S100Z: variants seen among roughly 807,000 people sequenced by gnomAD.
S100Z encodes protein S100-Z.
A neutral mutation model predicts 8.5 loss-of-function variants in S100Z; 11 were observed. The observed-to-expected ratio is 1.30, with a 90% confidence interval of 0.82 to 2.15. The LOEUF (loss-of-function observed/expected upper bound fraction) is 2.15, where lower values mean the gene tolerates loss of function less well. S100Z is among the 30% of genes most tolerant of loss of function. The probability of loss-of-function intolerance (pLI) is 0.00; values close to 1 mark genes in which losing one functional copy is unlikely to be tolerated. For missense variants in S100Z, 126 were observed against 117.9 expected (o/e 1.07, Z -0.32); for synonymous variants, 34 against 43.8 (o/e 0.78, Z 0.89).
At chr5:76,952,801 T>G in the S100Z span, 2 of 309,602 alleles carry the variant, frequency 6.5e-6, no homozygotes, top group African/African-American at 4.1e-5. Flanking sequence ...CACTCCCTTA[T>G]TCTTTGTCTC....
At chr5:76,941,732 A>T in the S100Z span, among the ~76,000 whole-genome samples, 534 of 150,320 alleles carry the variant, frequency 3.6e-3, 3 homozygotes, top group African/African-American at 0.012. Flanking sequence ...CCCCCTTCTC[A>T]TGCTATCCTC....
At chr5:76,909,672 T>A (rs1339841870) in intron 4 of S100Z, among the ~76,000 whole-genome samples, 1 of 152,168 alleles carries the variant, frequency 6.6e-6, no homozygotes, top group East Asian at 1.9e-4. Flanking sequence ...ACCCCTGGGC[T>A]ATCAGTTATG....
chr5:76,952,917 T>C, the S100Z span: 3 of 560,150 alleles, frequency 5.4e-6, no homozygotes, highest in African/African-American at 3.8e-5. Flanking sequence ...AGCTGGACCC[T>C]CGTCATCGCC....
Position 76,912,562 on chromosome 5 carries a change from G to GA in S100Z, c.*3-8146dup, listed in dbSNP as rs199985600. Among the ~76,000 whole-genome samples the GA allele has an allele frequency of 1.2e-3, 175 of 151,060 alleles. 2 individuals carry two copies. The East Asian group carries it at 0.026, about 23-fold the overall frequency. Reference sequence around the variant, plus strand: ...CCTGAGCCTTAGAACTGGGAAAGAGGAAAAAAAAATAAATGTGTATACGGA... The same window carrying GA: ...CCTGAGCCTTAGAACTGGGAAAGAGGAAAAAAAAAATAAATGTGTATACGGA... On this transcript the variant is annotated intron_variant, in intron 4 of 4. Transcript: ENST00000317593.
chr5:76,853,735 T>G (rs181934709), intron 1 of S100Z, among the ~76,000 whole-genome samples: 12 of 151,694 alleles, frequency 7.9e-5, no homozygotes, highest in Non-Finnish European at 1.2e-4. Context: ...AGGCAGAGAT[T>G]GCAGTCAGCT....
At chr5:76,889,511 T>C (rs1276542809) in intron 4 of S100Z, among the ~76,000 whole-genome samples, 1 of 152,328 alleles carries the variant, frequency 6.6e-6, no homozygotes, top group Admixed American at 6.5e-5. Context: ...CTAAAGTGAG[T>C]CACTAAAACA....
chr5:76,925,556 C>T (rs537776292), downstream of S100Z, among the ~76,000 whole-genome samples: 30 of 152,296 alleles, frequency 2.0e-4, no homozygotes, highest in East Asian at 5.8e-3. Context: ...TCTCAATTCC[C>T]ACAAGCACTT....
At chr5:76,930,627 C>T in the S100Z span, among the ~76,000 whole-genome samples, 22,583 of 152,052 alleles carry the variant, frequency 0.15, 1,786 homozygotes, top group East Asian at 0.18. Flanking sequence ...TGCAATCACT[C>T]GACTCTGAAA....
intron 1 of S100Z, among the ~76,000 whole-genome samples, chr5:76,865,202 T>G (rs1317362062): frequency 6.6e-6 from 1 of 151,120 alleles, no homozygotes; most frequent in Non-Finnish European, 1.5e-5. Flanking sequence ...TCTGACCCTG[T>G]GTAGGCCTAG....
chr5:76,920,740 G>A lies in S100Z; in HGVS notation c.*26G>A, dbSNP rs1745011080. 2 of 152,234 alleles carry A rather than the reference G, an allele frequency of 1.3e-5. No homozygotes were observed. The highest frequency in any genetic ancestry group is 4.1e-4 in the South Asian group (2 of 4,834). The allele number at this position is 152,234 out of a possible 1,614,324, so 9.4% of individuals were successfully genotyped here. A position where few individuals can be genotyped will look rare whatever the true frequency, so the allele number is the denominator to read the frequency against. ...AGGAAGTTCGTGAATGCTAATCAAG[G>A]GCTAAATAAAGTGGAAAGCAGCATC... On this transcript the variant is annotated 3_prime_UTR_variant, in exon 5 of 5. Transcript: ENST00000317593.
At chr5:76,899,070 A>G (rs926533654) in intron 4 of S100Z, among the ~76,000 whole-genome samples, 2 of 150,174 alleles carry the variant, frequency 1.3e-5, no homozygotes, top group African/African-American at 4.9e-5. Context: ...CAGCTTCCCT[A>G]GTAGCTGGGA....
chr5:76,902,649 T>C (rs1259116713), intron 4 of S100Z, among the ~76,000 whole-genome samples: 1 of 149,504 alleles, frequency 6.7e-6, no homozygotes, highest in Non-Finnish European at 1.5e-5. Context: ...TTTTTTTTTG[T>C]TGTTGTTTGT....
At chr5:76,895,052 TTC>T (rs1394467502) in intron 4 of S100Z, among the ~76,000 whole-genome samples, 1 of 152,180 alleles carries the variant, frequency 6.6e-6, no homozygotes, top group African/African-American at 2.4e-5. Flanking sequence ...TAGTGTCTTT[TTC>T]TCTGAGACCA....
At chr5:76,885,681 G>A (rs1357313555) in intron 4 of S100Z, among the ~76,000 whole-genome samples, 1 of 135,932 alleles carries the variant, frequency 7.4e-6, no homozygotes, top group African/African-American at 2.7e-5. Context: ...CCAGGAAAGT[G>A]GGAATGGGGT....
At chr5:76,930,519 A>C in the S100Z span, among the ~76,000 whole-genome samples, 1 of 152,162 alleles carries the variant, frequency 6.6e-6, no homozygotes, top group African/African-American at 2.4e-5. Context: ...AGGACCACAA[A>C]GCCTAAGGTT....
chr5:76,922,480 G>T (rs906697345), downstream of S100Z, among the ~76,000 whole-genome samples: 1 of 152,092 alleles, frequency 6.6e-6, no homozygotes, highest in South Asian at 2.1e-4. Context: ...CCACCTCCCA[G>T]GTTCATACAT....
chr5:76,900,961 G>A (rs1744205733), intron 4 of S100Z, among the ~76,000 whole-genome samples: 1 of 150,828 alleles, frequency 6.6e-6, no homozygotes. Flanking sequence ...TGACACTGTG[G>A]TTCTTGCAGA....
intron 4 of S100Z, among the ~76,000 whole-genome samples, chr5:76,893,626 G>A (rs17682249): frequency 0.025 from 3,809 of 152,148 alleles, 150 homozygotes; most frequent in East Asian, 0.12. Context: ...ATTATGTTCG[G>A]TGCCTCCAGG....
At position 76,904,994 on chromosome 5, in the gene S100Z, A is replaced by G. The variant is rs1370777381; in HGVS notation, c.*3-15723A>G. ...TCCAGTGGTTTTCAAACGAAGGGCA[A>G]CTCTCATTCCCCAGAACATTTGGCA... On this transcript the variant is annotated intron_variant, in intron 4 of 4. Transcript: ENST00000317593. Among the ~76,000 whole-genome samples the G allele has an allele frequency of 2.0e-5, 3 of 151,800 alleles. No individual in the cohort carries two copies. The East Asian group carries it at 5.8e-4, about 29-fold the overall frequency.
Sources: allele counts gnomAD v4.1 joint callset (sites outside exome capture counted in the v4.1 genomes callset), GRCh38; gene constraint gnomAD v4.1.1; transcripts MANE v1.5; gene names NCBI Gene and HGNC (gene_info 2026-07-23, HGNC 2026-07-21).